Variants in DNM3 observed in about 807,000 individuals in gnomAD.
The protein encoded by DNM3 is dynamin 3, also known as dynamin-3.
A neutral mutation model predicts 101.6 loss-of-function variants in DNM3; 47 were observed. That is an observed-to-expected ratio of 0.46 (90% CI 0.37 to 0.59). DNM3 has a LOEUF of 0.59. Ranked by LOEUF, DNM3 falls within the 20% of genes least tolerant of loss-of-function variation. DNM3 has a pLI of 0.00. For synonymous variants in DNM3, 385 were observed against 387.9 expected (o/e 0.99, Z 0.09); for missense variants, 849 against 1,085.7 (o/e 0.78, Z 3.06).
chr1:172,237,005 T>C (rs2061569018), intron 14 of DNM3, among the ~76,000 whole-genome samples: 1 of 152,190 alleles, frequency 6.6e-6, no homozygotes, highest in Admixed American at 6.6e-5. Context: ...TTCGCCAATA[T>C]TTCTAATTCT....
At chr1:172,396,090 G>A (rs1162114397) in intron 20 of DNM3, among the ~76,000 whole-genome samples, 2 of 152,152 alleles carry the variant, frequency 1.3e-5, no homozygotes, top group Non-Finnish European at 2.9e-5. Context: ...TCACAGCCAC[G>A]CAATAGGCAA....
intron 14 of DNM3, among the ~76,000 whole-genome samples, chr1:172,163,243 G>GTTT (rs201806268): frequency 1.3e-4 from 18 of 134,430 alleles, no homozygotes; most frequent in East Asian, 2.2e-4. Flanking sequence ...TTCTTTTTTT[G>GTTT]TTTTTTTTTT....
intron 14 of DNM3, among the ~76,000 whole-genome samples, chr1:172,215,707 G>C (rs1448348096): frequency 6.6e-6 from 1 of 151,820 alleles, no homozygotes; most frequent in Non-Finnish European, 1.5e-5. Context: ...ATATTCGTTG[G>C]ACTCAATAGT....
rs956344786 is a variant in DNM3 at position 172,192,645 on chromosome 1, C to T, written c.1660-60928C>T. The stretch of plus-strand genomic sequence containing the variant: ...TGCAGTGTTTGGTTTTTTGTTCTCG[C>T]GATAGTTTACTGAGAACAATGATTT... On this transcript the variant is annotated intron_variant, in intron 14 of 20. Transcript: ENST00000627582. Among the ~76,000 whole-genome samples the T allele has an allele frequency of 5.3e-5, 8 of 150,970 alleles. No individual in the cohort carries two copies. In the East Asian group the frequency reaches 1.2e-3, roughly 22 times the overall value.
intron 2 of DNM3, among the ~76,000 whole-genome samples, chr1:171,931,049 C>A: frequency 6.6e-6 from 1 of 151,992 alleles, no homozygotes; most frequent in Non-Finnish European, 1.5e-5. Context: ...ACATAGGAAG[C>A]CCTCATCTGT....
intron 14 of DNM3, among the ~76,000 whole-genome samples, chr1:172,218,982 AAAATT>A (rs1207319226): frequency 6.6e-6 from 1 of 152,170 alleles, no homozygotes; most frequent in East Asian, 1.9e-4. Flanking sequence ...TTTAGTTTTA[AAAATT>A]AAATTAATTA....
chr1:172,294,065 A>G (rs1264443352), intron 15 of DNM3, among the ~76,000 whole-genome samples: 5 of 152,174 alleles, frequency 3.3e-5, no homozygotes, highest in Non-Finnish European at 7.4e-5. Context: ...ATGGAAACCT[A>G]ATTGATAGCT....
Position 172,092,829 on chromosome 1 carries a change from A to G in DNM3, c.1499A>G (p.Gln500Arg). The change falls in exon 13 of 21, where the codon CAG becomes CGG. Residue 500 changes from glutamine to arginine, a missense_variant. This residue lies in a region of DNM3 where 193 missense variants were observed against 238.4 expected (regional missense o/e 0.81). Transcript: ENST00000627582. ...CTTTCCTTTGCTTTTCTCAGTGCTCAGCAGAGGAGCAGTCAGGTTCACAAG... is the reference window on the plus strand; with the variant it reads ...CTTTCCTTTGCTTTTCTCAGTGCTCGGCAGAGGAGCAGTCAGGTTCACAAG... Reference protein sequence around the residue: ...HEDFIGFANAQQRSSQVHKKT... With the variant: ...HEDFIGFANARQRSSQVHKKT... The G allele has an allele frequency of 6.4e-7, 1 of 1,557,714 alleles. No individual in the cohort carries two copies. The highest frequency in any genetic ancestry group is 8.7e-7 in the Non-Finnish European group (1 of 1,149,748).
intron 1 of DNM3, among the ~76,000 whole-genome samples, chr1:171,846,518 A>T (rs1417640501): frequency 6.6e-6 from 1 of 152,200 alleles, no homozygotes; most frequent in East Asian, 1.9e-4. Context: ...TTAGAGTGTT[A>T]GGTATTCTTC....
At chr1:172,242,126 G>T (rs1265404645) in intron 14 of DNM3, among the ~76,000 whole-genome samples, 1 of 152,060 alleles carries the variant, frequency 6.6e-6, no homozygotes, top group Non-Finnish European at 1.5e-5. Flanking sequence ...TGGTGTACAG[G>T]GCATTTCCCC....
At chr1:172,073,552 A>T (rs1209128471) in intron 11 of DNM3, among the ~76,000 whole-genome samples, 1 of 152,176 alleles carries the variant, frequency 6.6e-6, no homozygotes, top group East Asian at 1.9e-4. Context: ...TGGGTAGGGG[A>T]TAAGGATCAT....
chr1:171,863,244 G>C (rs1195842059), intron 1 of DNM3, among the ~76,000 whole-genome samples: 1 of 152,080 alleles, frequency 6.6e-6, no homozygotes, highest in Admixed American at 6.6e-5. Context: ...AGAAAGTATG[G>C]TGAGATGGGC....
chr1:172,373,259 T>C (rs1173967226), intron 17 of DNM3, among the ~76,000 whole-genome samples: 3 of 152,108 alleles, frequency 2.0e-5, no homozygotes, highest in African/African-American at 7.2e-5. Context: ...GTCACCTTAT[T>C]GCTTTGTAAA....
chr1:171,882,498 C>A (rs974270620), intron 1 of DNM3, among the ~76,000 whole-genome samples: 1 of 151,488 alleles, frequency 6.6e-6, no homozygotes, highest in Non-Finnish European at 1.5e-5. Context: ...AATATCACAC[C>A]CCTTTACTCC....
Position 172,106,358 on chromosome 1 carries a change from T to C in DNM3, c.1545+13483T>C, listed in dbSNP as rs139144605. Among the ~76,000 whole-genome samples, 547 of 152,026 alleles carry C rather than the reference T, an allele frequency of 3.6e-3. 7 individuals carry two copies. Among genetic ancestry groups the C allele is most frequent in the African/African-American group, 0.013 (523 of 41,442 alleles). On this transcript the variant is annotated intron_variant, in intron 13 of 20. Transcript: ENST00000627582. ...ATTGCTTGAACCCAGAAGAAGGAAG[T>C]TGCTGTGAGCCGACATCGTGCCACT...
chr1:172,352,244 T>C (rs1435740695), intron 17 of DNM3, among the ~76,000 whole-genome samples: 1 of 152,228 alleles, frequency 6.6e-6, no homozygotes, highest in Non-Finnish European at 1.5e-5. Context: ...GATTTGCCTA[T>C]GAAGGTAGAG....
In DNM3 at chr1:172,067,922, A is replaced by G. The variant is rs149500906; in HGVS notation, c.1336-897A>G. ...TGCTCGAAGAGTAATGGACAAGACC[A>G]TGGGCTCTGGAGTCCTAGGACTTAG... On this transcript the variant is annotated intron_variant, in intron 10 of 20. Transcript: ENST00000627582. Among the ~76,000 whole-genome samples the G allele has an allele frequency of 2.3e-4, 35 of 152,328 alleles. No individual in the cohort carries two copies. The East Asian group carries it at 6.0e-3, about 26-fold the overall frequency.
At chr1:172,313,066 G>A (rs1179492496) in intron 16 of DNM3, among the ~76,000 whole-genome samples, 1 of 152,148 alleles carries the variant, frequency 6.6e-6, no homozygotes, top group Non-Finnish European at 1.5e-5. Flanking sequence ...ATATTTCTGA[G>A]CAGCCACAAT....
chr1:172,023,492 A>G (rs1458690858), intron 4 of DNM3, among the ~76,000 whole-genome samples: 1 of 152,104 alleles, frequency 6.6e-6, no homozygotes, highest in Non-Finnish European at 1.5e-5. Flanking sequence ...ATTGTTTTTT[A>G]GTTTCCAGTT....
Sources: allele counts gnomAD v4.1 joint callset (sites outside exome capture counted in the v4.1 genomes callset), GRCh38; gene constraint gnomAD v4.1.1; regional missense constraint gnomAD v4.1.1; transcripts MANE v1.5; gene names NCBI Gene and HGNC (gene_info 2026-07-23, HGNC 2026-07-21).